ERCC6: variants seen among roughly 807,000 people sequenced by gnomAD.
ERCC6 encodes ERCC excision repair 6, chromatin remodeling factor.
In ERCC6, 116 loss-of-function variants were observed where a neutral mutation model predicts 158.7. That is an observed-to-expected ratio of 0.73 (90% CI 0.63 to 0.85). The LOEUF is 0.85. Among genes scored for constraint, ERCC6 ranks in the 40% least tolerant of loss-of-function variants. ERCC6 has a pLI of 0.00. For missense variants in ERCC6, 1,698 were observed against 1,799.4 expected, an observed-to-expected ratio of 0.94 and a Z score of 1.02; for synonymous variants, 678 against 659.3, an observed-to-expected ratio of 1.03 and a Z score of -0.43.
intron 8 of ERCC6, among the ~76,000 whole-genome samples, chr10:49,486,739 G>T (rs1851084827): frequency 1.3e-5 from 2 of 152,164 alleles, no homozygotes; most frequent in African/African-American, 4.8e-5. Flanking sequence ...TGAAAAAGAT[G>T]TTATACTCTT....
rs1339988696 is a variant in ERCC6, at chr10:49,507,426, A to C, written c.1398-1414T>G. 3.3e-5 allele frequency among the ~76,000 whole-genome samples: 5 copies of C among 152,196 alleles called. No individual in the cohort carries two copies. In the South Asian group the frequency reaches 6.2e-4, roughly 19 times the overall value. Reference sequence around the variant, plus strand: ...AAGGAAATAGCTATCATCTAACAACAGTTTAATAAGTGATACTTTTTATAA... The same window carrying C: ...AAGGAAATAGCTATCATCTAACAACCGTTTAATAAGTGATACTTTTTATAA... On this transcript the variant is annotated intron_variant, in intron 5 of 20. Coordinates refer to ENST00000355832, the MANE Select transcript of ERCC6 (RefSeq NM_000124.4).
In ERCC6 at chr10:49,500,637, A is replaced by G; in HGVS notation, c.1586T>C (p.Ile529Thr). 1 of 1,614,032 alleles carries G rather than the reference A, an allele frequency of 6.2e-7. No homozygotes were observed. Among genetic ancestry groups the G allele is most frequent in the South Asian group, 1.1e-5 (1 of 91,090 alleles). Residue 529 changes from isoleucine to threonine, a missense_variant, in exon 7 of 21, where the codon ATT (isoleucine) becomes ACT (threonine). Physicochemically the swap from Ile to Thr is moderately conservative, Grantham distance 89. Coordinates refer to ENST00000355832, the MANE Select transcript of ERCC6 (RefSeq NM_000124.4). Reference protein sequence around the residue: ...WELHCQQAGGILGDEMGLGKT... With the variant: ...WELHCQQAGGTLGDEMGLGKT... ...GCCCAATCCCATTTCATCTCCCAGA[A>G]TTCCTCCTGCCTGCTGGCAGTGCAA...
rs4253022 is a variant in ERCC6, at chr10:49,531,282, G to A, written c.423-442C>T. Among the ~76,000 whole-genome samples, 718 of 152,192 alleles carry A rather than the reference G, an allele frequency of 4.7e-3. 5 individuals are homozygous for A. The highest frequency in any genetic ancestry group is 0.016 in the African/African-American group (649 of 41,536). On this transcript the variant is annotated intron_variant, in intron 2 of 20. Transcript: ENST00000355832. ...TTTTTTATATAAATCACACATCTGC[G>A]ACAATATTTTTCTTCTACATAAATG...
downstream of ERCC6, among the ~76,000 whole-genome samples, chr10:49,451,288 T>C (rs954299076): frequency 6.0e-5 from 9 of 151,248 alleles, no homozygotes; most frequent in Admixed American, 2.0e-4. Context: ...TCTTGCATAA[T>C]TGCAATGGCT....
At chr10:49,451,113 A>G (rs893131906), downstream of ERCC6, among the ~76,000 whole-genome samples, 2 of 151,426 alleles carry the variant, frequency 1.3e-5, no homozygotes. Context: ...GCCCGGCCCA[A>G]CTGATTTTTA....
chr10:49,453,240 T>G (rs1451733542), downstream of ERCC6, among the ~76,000 whole-genome samples: 1 of 152,178 alleles, frequency 6.6e-6, no homozygotes, highest in Non-Finnish European at 1.5e-5. Flanking sequence ...CATATACATC[T>G]TATCAGAATC....
rs1850774137 is a variant in ERCC6, at chr10:49,471,216, G to A, written c.2925-96C>T. On this transcript the variant is annotated intron_variant, in intron 16 of 20. Coordinates refer to ENST00000355832, the MANE Select transcript of ERCC6 (RefSeq NM_000124.4). ...ATATAAGAGAGAGATGATAACAGCT[G>A]CTGCATGAATGGCTAAATAATCCCC... is the stretch of plus-strand genomic sequence containing the variant. 9 of 1,243,522 alleles carry A rather than the reference G, an allele frequency of 7.2e-6. No homozygotes were observed. In the East Asian group the frequency reaches 1.9e-4, roughly 26 times the overall value. 77.0% of individuals were successfully genotyped at this position (1,243,522 alleles called of 1,614,324 possible).
intron 1 of ERCC6, among the ~76,000 whole-genome samples, chr10:49,537,711 G>A (rs1056779930): frequency 2.0e-5 from 3 of 152,062 alleles, no homozygotes. Context: ...AGGAAACAAC[G>A]TGTGAAATTT....
intron 8 of ERCC6, among the ~76,000 whole-genome samples, chr10:49,484,195 C>A (rs1485114826): frequency 6.6e-6 from 1 of 151,130 alleles, no homozygotes; most frequent in Non-Finnish European, 1.5e-5. Context: ...GTGGGAGGAT[C>A]CCTTGAGCCC....
rs148375725 is a variant in ERCC6, at chr10:49,466,444, C to G, written c.3778+3738G>C. 5.3e-5 allele frequency among the ~76,000 whole-genome samples: 8 copies of G among 152,286 alleles called. No individual in the cohort carries two copies. The East Asian group carries it at 1.5e-3, about 29-fold the overall frequency. ...GGTGCTGAAATGAAATTGGAGACAA[C>G]AGTATTCCCTCATCTTATTTTGCTT... is the stretch of plus-strand genomic sequence containing the variant. On this transcript the variant is annotated intron_variant, in intron 18 of 20. Transcript: ENST00000355832.
intron 11 of ERCC6, 103 bp from the exon 12 acceptor site, chr10:49,476,413 C>T (rs1312321901): frequency 7.9e-6 from 6 of 754,910 alleles, no homozygotes; most frequent in East Asian, 2.8e-5. Context: ...ACAATGCATG[C>T]GATTTTAATG....
At chr10:49,489,762 A>C (rs950245244) in intron 8 of ERCC6, among the ~76,000 whole-genome samples, 2 of 152,240 alleles carry the variant, frequency 1.3e-5, no homozygotes, top group Admixed American at 1.3e-4. Flanking sequence ...TTAATCATTA[A>C]ATAAACTTTA....
intron 7 of ERCC6, among the ~76,000 whole-genome samples, chr10:49,498,824 A>G (rs1041311775): frequency 1.3e-5 from 2 of 152,184 alleles, no homozygotes; most frequent in African/African-American, 2.4e-5. Context: ...TGGACTCCAC[A>G]TAAGTGTGAT....
intron 5 of ERCC6, among the ~76,000 whole-genome samples, chr10:49,510,136 T>A (rs1851508871): frequency 6.6e-6 from 1 of 152,110 alleles, no homozygotes; most frequent in Non-Finnish European, 1.5e-5. Flanking sequence ...GCAATAATCA[T>A]CTGTCAGAAG....
chr10:49,475,485 C>T (rs1397956985), intron 12 of ERCC6: 6 of 421,834 alleles, frequency 1.4e-5, no homozygotes, highest in Non-Finnish European at 2.8e-5. Flanking sequence ...ATGTGAATGA[C>T]TGAAGAACCT....
At chr10:49,526,117 T>TATATTTTTATATA (rs1837326508) in intron 4 of ERCC6, among the ~76,000 whole-genome samples, 1 of 43,590 alleles carries the variant, frequency 2.3e-5, no homozygotes, top group African/African-American at 8.6e-5. Flanking sequence ...TTATATATTT[T>TATATTTTTATATA]TATATATATA....
At chr10:49,485,683 T>C (rs915686886) in intron 8 of ERCC6, among the ~76,000 whole-genome samples, 1 of 152,216 alleles carries the variant, frequency 6.6e-6, no homozygotes, top group Non-Finnish European at 1.5e-5. Flanking sequence ...TTAAAATACA[T>C]TTGCCAAAAC....
intron 2 of ERCC6, among the ~76,000 whole-genome samples, chr10:49,532,207 T>G (rs962661785): frequency 6.6e-6 from 1 of 152,228 alleles, no homozygotes; most frequent in South Asian, 2.1e-4. Flanking sequence ...AATGTATTCC[T>G]GGCATCTCGA....
chr10:49,519,052 G>A (rs978982609), intron 5 of ERCC6, among the ~76,000 whole-genome samples: 1 of 152,152 alleles, frequency 6.6e-6, no homozygotes, highest in African/African-American at 2.4e-5. Flanking sequence ...CACCATACTT[G>A]CCAGGTCTTC....
Sources: gnomAD v4.1 joint callset for allele counts (sites outside exome capture counted in the v4.1 genomes callset) on GRCh38, gnomAD v4.1.1 for gene constraint, MANE v1.5 for transcripts, NCBI Gene and HGNC (gene_info 2026-07-23, HGNC 2026-07-21) for gene names.